The following ZEB1 variants were observed in gnomAD, a reference collection of about 807,000 sequenced individuals.
ZEB1 encodes the protein zinc finger E-box-binding homeobox 1.
In ZEB1, 21 loss-of-function variants were observed where a neutral mutation model predicts 84.9. That is an observed-to-expected ratio of 0.25 (90% CI 0.18 to 0.36). ZEB1 has a LOEUF of 0.36. Among genes scored for constraint, ZEB1 ranks in the 10% least tolerant of loss-of-function variants. ZEB1 has a pLI of 1.00. For synonymous variants in ZEB1, 420 were observed against 471.1 expected (o/e 0.89, Z 1.41); for missense variants, 1,104 against 1,330.2 (o/e 0.83, Z 2.65).
intron 1 of ZEB1, among the ~76,000 whole-genome samples, chr10:31,369,841 T>C (rs2045375406): frequency 6.6e-6 from 1 of 152,238 alleles, no homozygotes. Context: ...GTATAAGAGT[T>C]ATCATTTCTC....
At position 31,452,738 on chromosome 10, in the gene ZEB1, T is replaced by A. The variant is rs955937960; in HGVS notation, c.59-8299T>A. On this transcript the variant is annotated intron_variant, in intron 1 of 8. Transcript: ENST00000424869. The stretch of plus-strand genomic sequence containing the variant: ...GTGTGTGTGTGTGTGTGTGTGTGTG[T>A]GTGTGAGAGAGAGAGAGAGAGAGAG... Among the ~76,000 whole-genome samples, 801 of 100,898 alleles carry A rather than the reference T, an allele frequency of 7.9e-3. 10 individuals are homozygous for A. Among genetic ancestry groups the A allele is most frequent in the African/African-American group, 0.053 (742 of 13,954 alleles). 66.2% of individuals were successfully genotyped at this position (100,898 alleles called of 152,430 possible).
chr10:31,472,826 C>T (rs1225927075), intron 2 of ZEB1, among the ~76,000 whole-genome samples: 4 of 136,820 alleles, frequency 2.9e-5, no homozygotes, highest in African/African-American at 6.7e-5. Flanking sequence ...ACTGGCAAAC[C>T]GAATCCAGCA....
At chr10:31,320,402 A>G (rs550373794) in intron 1 of ZEB1, 4 of 149,036 alleles carry the variant, frequency 2.7e-5, no homozygotes, top group Non-Finnish European at 4.4e-5. Context: ...GTTTTTGGGG[A>G]AGTTGTTACC....
At chr10:31,440,716 A>G (rs2058837551) in intron 1 of ZEB1, among the ~76,000 whole-genome samples, 1 of 152,222 alleles carries the variant, frequency 6.6e-6, no homozygotes, top group South Asian at 2.1e-4. Flanking sequence ...AAGTCTCAGG[A>G]TACAAAATCT....
chr10:31,456,661 T>C (rs1203714210), intron 1 of ZEB1, among the ~76,000 whole-genome samples: 1 of 152,136 alleles, frequency 6.6e-6, no homozygotes, highest in Admixed American at 6.6e-5. Flanking sequence ...TGGCTTTCAC[T>C]CTTCAACTTA....
At chr10:31,464,670 A>G (rs1389114983) in intron 2 of ZEB1, among the ~76,000 whole-genome samples, 1 of 152,244 alleles carries the variant, frequency 6.6e-6, no homozygotes, top group Non-Finnish European at 1.5e-5. Context: ...ACTCCATAAG[A>G]CTGTAGGCAG....
chr10:31,471,963 T>G (rs937314449), intron 2 of ZEB1, among the ~76,000 whole-genome samples: 3 of 136,514 alleles, frequency 2.2e-5, no homozygotes, highest in African/African-American at 1.1e-4. Flanking sequence ...GAATGACTAC[T>G]GGGTACCTAA....
At chr10:31,362,818 C>A (rs777535433) in intron 1 of ZEB1, 5 of 883,726 alleles carry the variant, frequency 5.7e-6, no homozygotes, top group Non-Finnish European at 1.8e-6. Flanking sequence ...TGAGCCACCA[C>A]GCCTGCCCTG....
intron 1 of ZEB1, among the ~76,000 whole-genome samples, chr10:31,357,825 T>C (rs994452764): frequency 2.3e-4 from 35 of 152,170 alleles, no homozygotes; most frequent in Non-Finnish European, 8.8e-5. Context: ...GTGATTTTTT[T>C]CAAGGACTCA....
At chr10:31,487,810 G>A (rs757595638) in intron 2 of ZEB1, among the ~76,000 whole-genome samples, 3 of 151,038 alleles carry the variant, frequency 2.0e-5, no homozygotes, top group South Asian at 2.1e-4. Flanking sequence ...TTCCTGGTTC[G>A]CTGCAAGTTT....
intron 1 of ZEB1, among the ~76,000 whole-genome samples, chr10:31,350,002 T>G (rs1451820304): frequency 6.6e-6 from 1 of 152,154 alleles, no homozygotes; most frequent in Non-Finnish European, 1.5e-5. Flanking sequence ...CATACCAGTG[T>G]CAGAGAGCTT....
intron 2 of ZEB1, among the ~76,000 whole-genome samples, chr10:31,492,392 C>A (rs988652716): frequency 1.3e-5 from 2 of 151,802 alleles, no homozygotes; most frequent in African/African-American, 4.8e-5. Context: ...CTGTAATTGT[C>A]CTGAGCATTA....
At chr10:31,462,984 A>G (rs1235190424) in intron 2 of ZEB1, among the ~76,000 whole-genome samples, 1 of 152,210 alleles carries the variant, frequency 6.6e-6, no homozygotes, top group Non-Finnish European at 1.5e-5. Context: ...CCAGGTTTCT[A>G]GAAAGTGAGA....
intron 1 of ZEB1, among the ~76,000 whole-genome samples, chr10:31,356,582 A>C (rs2042163476): frequency 6.6e-6 from 1 of 152,194 alleles, no homozygotes; most frequent in African/African-American, 2.4e-5. Flanking sequence ...TGCTGGTTAA[A>C]TTAAAAGATG....
At chr10:31,460,054 G>C (rs894189905) in intron 1 of ZEB1, among the ~76,000 whole-genome samples, 1 of 151,782 alleles carries the variant, frequency 6.6e-6, no homozygotes, top group Non-Finnish European at 1.5e-5. Flanking sequence ...TAGCAAATAA[G>C]AATCACCCTG....
At chr10:31,325,053 T>C (rs1438135735) in intron 1 of ZEB1, among the ~76,000 whole-genome samples, 1 of 152,038 alleles carries the variant, frequency 6.6e-6, no homozygotes, top group Non-Finnish European at 1.5e-5. Context: ...TTCAATATGT[T>C]ATGAGCATGT....
chr10:31,480,923 G>A (rs117199941), intron 2 of ZEB1, among the ~76,000 whole-genome samples: 1,535 of 152,088 alleles, frequency 0.01, 12 homozygotes, highest in South Asian at 0.018. Context: ...TCTGCTGGAT[G>A]ATTTAAATTA....
At chr10:31,370,392 C>T (rs534684254) in intron 1 of ZEB1, among the ~76,000 whole-genome samples, 37 of 151,936 alleles carry the variant, frequency 2.4e-4, no homozygotes, top group Non-Finnish European at 3.1e-4. Context: ...AGGTGGATCA[C>T]GAGGTCAGGA....
intron 1 of ZEB1, chr10:31,389,677 A>T (rs1163031418): frequency 6.6e-6 from 1 of 152,114 alleles, no homozygotes; most frequent in African/African-American, 2.4e-5. Flanking sequence ...AGATAATTCG[A>T]GCCATAAATA....
Sources: allele counts gnomAD v4.1 joint callset (sites outside exome capture counted in the v4.1 genomes callset), GRCh38; gene constraint gnomAD v4.1.1; transcripts MANE v1.5; gene names NCBI Gene and HGNC (gene_info 2026-07-23, HGNC 2026-07-21).